HSPA4L: variants seen among roughly 807,000 people sequenced by gnomAD.
HSPA4L encodes the protein heat shock 70 kDa protein 4L.
HSPA4L carries 48 observed loss-of-function variants against 100.3 expected under a neutral mutation model. The ratio of observed to expected loss-of-function variants is 0.48; its 90% CI spans 0.38 to 0.61. HSPA4L has a LOEUF of 0.61. Ranked by LOEUF, HSPA4L falls within the 20% of genes least tolerant of loss-of-function variation. HSPA4L has a pLI of 0.00. For synonymous variants in HSPA4L, 319 were observed against 328.2 expected (o/e 0.97, Z 0.30); for missense variants, 886 against 988.6 (o/e 0.90, Z 1.39).
At chr4:127,807,972 G>A in intron 10 of HSPA4L, 24 bp from the exon 11 acceptor site, 1 of 1,599,596 alleles carries the variant, frequency 6.3e-7, no homozygotes, top group South Asian at 1.1e-5. Flanking sequence ...TTGTTTCTAA[G>A]TGAGTTCTTT....
intron 18 of HSPA4L, among the ~76,000 whole-genome samples, chr4:127,832,057 G>T (rs973755750): frequency 6.6e-6 from 1 of 151,230 alleles, no homozygotes; most frequent in Admixed American, 6.6e-5. Context: ...TGGCTACCCC[G>T]ATCTTTGTGA....
chr4:127,818,652 C>T (rs1006672625), intron 13 of HSPA4L, among the ~76,000 whole-genome samples: 1 of 151,924 alleles, frequency 6.6e-6, no homozygotes, highest in Non-Finnish European at 1.5e-5. Flanking sequence ...AAAAAAGATA[C>T]ATTTTTCATT....
chr4:127,804,467 A>T (rs1005762542), intron 8 of HSPA4L, among the ~76,000 whole-genome samples: 13 of 152,102 alleles, frequency 8.5e-5, no homozygotes, highest in African/African-American at 3.1e-4. Flanking sequence ...TTAGCCAGGC[A>T]TGATGGTGCG....
intron 9 of HSPA4L, 86 bp downstream of exon 9, chr4:127,805,310 C>A: frequency 1.0e-6 from 1 of 959,364 alleles, no homozygotes; most frequent in Non-Finnish European, 1.5e-6. Context: ...GTTATCTGTT[C>A]CATCCACTTA....
At chr4:127,790,159 T>C (rs1267065420) in intron 1 of HSPA4L, among the ~76,000 whole-genome samples, 1 of 152,240 alleles carries the variant, frequency 6.6e-6, no homozygotes, top group African/African-American at 2.4e-5. Context: ...CAGCGCTTAA[T>C]GATAGTTGAA....
intron 6 of HSPA4L, 23 bp from the exon 7 acceptor site, chr4:127,803,606 G>A: frequency 1.3e-6 from 2 of 1,534,244 alleles, no homozygotes; most frequent in South Asian, 1.3e-5. Context: ...TGAAAATACA[G>A]TTCTGCTTTT....
intron 14 of HSPA4L, 134 bp downstream of exon 14, chr4:127,820,699 T>A: frequency 2.6e-6 from 2 of 765,648 alleles, no homozygotes; most frequent in African/African-American, 1.8e-5. Context: ...ATTACTAAAC[T>A]ATTTTTTACA....
intron 14 of HSPA4L, 108 bp downstream of exon 14, chr4:127,820,673 G>GAAT (rs1733788205): frequency 1.0e-6 from 1 of 988,412 alleles, no homozygotes; most frequent in African/African-American, 1.7e-5. Context: ...AACTCCTAAG[G>GAAT]AATTATATTA....
At chr4:127,808,183 T>C (rs1733418305) in intron 11 of HSPA4L, 54 bp downstream of exon 11, 2 of 1,414,928 alleles carry the variant, frequency 1.4e-6, no homozygotes, top group Admixed American at 2.3e-5. Flanking sequence ...AATAATGTGT[T>C]ATTTTAGAAT....
At chr4:127,794,721 TA>T (rs1377155039) in intron 2 of HSPA4L, among the ~76,000 whole-genome samples, 3 of 152,104 alleles carry the variant, frequency 2.0e-5, no homozygotes, top group Non-Finnish European at 2.9e-5. Flanking sequence ...CTGGGTCTTA[TA>T]TCTCATATTC....
Position 127,837,834 on chromosome 4 carries a change from C to T in HSPA4L, c.*4960C>T, listed in dbSNP as rs1199649345. The T allele has an allele frequency of 3.3e-5, 5 of 151,566 alleles. No homozygotes were observed. Among genetic ancestry groups the T allele is most frequent in the African/African-American group, 1.2e-4 (5 of 41,226 alleles). 9.4% of individuals were successfully genotyped at this position (151,566 alleles called of 1,614,324 possible). A position where few individuals can be genotyped will look rare whatever the true frequency, so the allele number is the denominator to read the frequency against. ...TTTGTTTTTTTTTTGGAAACAGTCT[C>T]ACTCTGTCACCCAGGCTGGAGGGCA... On this transcript the variant is annotated 3_prime_UTR_variant, in exon 19 of 19. Coordinates refer to ENST00000296464, the MANE Select transcript of HSPA4L (RefSeq NM_014278.4).
Position 127,821,289 on chromosome 4 carries a change from A to C in HSPA4L, c.1812+724A>C, listed in dbSNP as rs1356713327. Among the ~76,000 whole-genome samples, 4 of 152,212 alleles carry C rather than the reference A, an allele frequency of 2.6e-5. No individual in the cohort carries two copies. The East Asian group carries it at 7.7e-4, about 29-fold the overall frequency. On this transcript the variant is annotated intron_variant, in intron 14 of 18. Coordinates refer to ENST00000296464, the MANE Select transcript of HSPA4L (RefSeq NM_014278.4). ...TTTGGAATTTGTGTGTCTTGAGAAA[A>C]ATTTTCCCAAAGGAATGAATTGTAG...
Position 127,818,425 on chromosome 4 carries a change from G to T in HSPA4L, c.1674+5G>T. 1 of 1,572,868 alleles carries T rather than the reference G, an allele frequency of 6.4e-7. No homozygotes were observed. Among genetic ancestry groups the T allele is most frequent in the Non-Finnish European group, 8.7e-7 (1 of 1,152,498 alleles). ...CATACAGGAGCCAAAACAAAGGTTTGGTTTACTTTTTCTGTAGTTATGTCT... is the reference window on the plus strand; with the variant it reads ...CATACAGGAGCCAAAACAAAGGTTTTGTTTACTTTTTCTGTAGTTATGTCT... On this transcript the variant is annotated splice_donor_5th_base_variant and intron_variant, in intron 13 of 18. Coordinates refer to ENST00000296464, the MANE Select transcript of HSPA4L (RefSeq NM_014278.4).
In HSPA4L at chr4:127,839,033, G is replaced by A. The variant is rs1734301414; in HGVS notation, c.*6159G>A. Reference sequence around the variant, plus strand: ...AATACTTTAATTCCGGACCAAAAGAGGTCAATTTTGTGAGTATTGCCTATT... The same window carrying A: ...AATACTTTAATTCCGGACCAAAAGAAGTCAATTTTGTGAGTATTGCCTATT... On this transcript the variant is annotated 3_prime_UTR_variant, in exon 19 of 19. Coordinates refer to ENST00000296464, the MANE Select transcript of HSPA4L (RefSeq NM_014278.4). 1 of 152,074 alleles carries A rather than the reference G, an allele frequency of 6.6e-6. No homozygotes were observed. 9.4% of individuals were successfully genotyped at this position (152,074 alleles called of 1,614,324 possible). A position where few individuals can be genotyped will look rare whatever the true frequency, so the allele number is the denominator to read the frequency against.
chr4:127,804,516 G>A (rs1733292399), intron 8 of HSPA4L, among the ~76,000 whole-genome samples: 3 of 152,000 alleles, frequency 2.0e-5, no homozygotes, highest in Non-Finnish European at 1.5e-5. Context: ...TGAGGCCGGA[G>A]AATCACTTGA....
chr4:127,810,907 A>G (rs1733508233), intron 11 of HSPA4L, among the ~76,000 whole-genome samples: 1 of 152,222 alleles, frequency 6.6e-6, no homozygotes, highest in South Asian at 2.1e-4. Context: ...TAATATATAT[A>G]TGAGATTTCT....
intron 12 of HSPA4L, among the ~76,000 whole-genome samples, chr4:127,815,209 G>C (rs1733642635): frequency 6.6e-6 from 1 of 151,874 alleles, no homozygotes; most frequent in African/African-American, 2.4e-5. Flanking sequence ...AATTAAAATA[G>C]CATTGATTTT....
Position 127,839,896 on chromosome 4 carries a change from G to A in HSPA4L, c.*7022G>A, listed in dbSNP as rs1385015247. 1 of 152,054 alleles carries A rather than the reference G, an allele frequency of 6.6e-6. No individual in the cohort carries two copies. The highest frequency in any genetic ancestry group is 1.5e-5 in the Non-Finnish European group (1 of 68,002). 9.4% of individuals were successfully genotyped at this position (152,054 alleles called of 1,614,324 possible). On this transcript the variant is annotated 3_prime_UTR_variant, in exon 19 of 19. Coordinates refer to ENST00000296464, the MANE Select transcript of HSPA4L (RefSeq NM_014278.4). ...AGAAGCAATTTTTAATGAGGTTACT[G>A]AATTGTTTAGTATTCCTAATATGGC...
chr4:127,819,530 A>G (rs1733755574), intron 13 of HSPA4L, among the ~76,000 whole-genome samples: 1 of 152,168 alleles, frequency 6.6e-6, no homozygotes, highest in African/African-American at 2.4e-5. Flanking sequence ...AAATCATCCA[A>G]TTAGTTGTAC....
Sources: gnomAD v4.1 joint callset for allele counts (sites outside exome capture counted in the v4.1 genomes callset) on GRCh38, gnomAD v4.1.1 for gene constraint, MANE v1.5 for transcripts, NCBI Gene and HGNC (gene_info 2026-07-23, HGNC 2026-07-21) for gene names.